Variants in APP observed in about 807,000 individuals in gnomAD.
APP encodes amyloid-beta precursor protein.
Under a neutral mutation model 101.4 loss-of-function variants are expected in APP, and 31 were observed. The observed-to-expected ratio is 0.31, with a 90% CI of 0.23 to 0.41. The LOEUF is 0.41. APP is among the 10% of genes least tolerant of loss of function. APP has a pLI of 1.00. For synonymous variants in APP, 366 were observed against 364.4 expected (o/e 1.00, Z -0.05); for missense variants, 839 against 1,003.7 (o/e 0.84, Z 2.22).
chr21:25,932,814 TTTC>T (rs1346582974), intron 13 of APP, among the ~76,000 whole-genome samples: 1 of 152,124 alleles, frequency 6.6e-6, no homozygotes, highest in Non-Finnish European at 1.5e-5. Context: ...TTTCTACTCT[TTTC>T]TTCTTACACA....
At chr21:25,980,063 C>T (rs1235383095) in intron 9 of APP, among the ~76,000 whole-genome samples, 1 of 152,080 alleles carries the variant, frequency 6.6e-6, no homozygotes, top group African/African-American at 2.4e-5. Context: ...AGGGCATTTC[C>T]AGAAGAACTC....
At chr21:26,055,886 A>G (rs2046022292) in intron 3 of APP, among the ~76,000 whole-genome samples, 1 of 152,236 alleles carries the variant, frequency 6.6e-6, no homozygotes, top group African/African-American at 2.4e-5. Context: ...TCTTGGGGGC[A>G]TAAATCAGAC....
At chr21:26,140,021 T>G in intron 1 of APP, 2 of 701,594 alleles carry the variant, frequency 2.9e-6, no homozygotes, top group South Asian at 3.6e-5. Context: ...CCAAATAATT[T>G]GCAAACTTCA....
intron 1 of APP, among the ~76,000 whole-genome samples, chr21:26,144,143 G>A (rs145216013): frequency 2.3e-3 from 348 of 152,138 alleles, no homozygotes; most frequent in Non-Finnish European, 3.5e-3. Context: ...ATCAGTTCTC[G>A]TGAGAACTAA....
intron 17 of APP, among the ~76,000 whole-genome samples, chr21:25,890,620 T>G (rs1313664548): frequency 6.7e-6 from 1 of 148,414 alleles, no homozygotes; most frequent in African/African-American, 2.5e-5. Flanking sequence ...GTGCCCATAG[T>G]CCCAGCTACT....
chr21:25,927,144 G>C (rs990239439), intron 13 of APP, among the ~76,000 whole-genome samples: 1 of 151,990 alleles, frequency 6.6e-6, no homozygotes, highest in African/African-American at 2.4e-5. Flanking sequence ...GGATAAAAGA[G>C]ATTAAAGCAG....
chr21:25,907,186 A>C (rs2146303783), intron 14 of APP, among the ~76,000 whole-genome samples: 1 of 152,300 alleles, frequency 6.6e-6, no homozygotes, highest in Non-Finnish European at 1.5e-5. Flanking sequence ...ATTATTTAAA[A>C]ACAATAATAA....
chr21:25,982,780 C>T lies in APP; in HGVS notation c.1091-303G>A, dbSNP rs45534232. ...ATGCAAAGAGCAAAAACAGTTGGTG[C>T]TGAAGACATGTTTTTCCAAATCCCC... On this transcript the variant is annotated intron_variant, in intron 8 of 17. Coordinates refer to ENST00000346798, the MANE Select transcript of APP (RefSeq NM_000484.4). 7.2e-5 allele frequency among the ~76,000 whole-genome samples: 11 copies of T among 152,258 alleles called. No homozygotes were observed. The East Asian group carries it at 2.1e-3, about 29-fold the overall frequency.
At chr21:25,936,276 C>T (rs1441245647) in intron 13 of APP, among the ~76,000 whole-genome samples, 2 of 68 alleles carry the variant, frequency 0.029, no homozygotes, top group Admixed American at 0.1. Flanking sequence ...AGGAGGAGGC[C>T]GGGTGCGGGG....
At chr21:25,916,853 A>G (rs1408077339) in intron 13 of APP, among the ~76,000 whole-genome samples, 1 of 152,216 alleles carries the variant, frequency 6.6e-6, no homozygotes, top group African/African-American at 2.4e-5. Context: ...TTAACAGTGG[A>G]AATATTTAAC....
chr21:25,946,145 C>T (rs1037081911), intron 13 of APP, among the ~76,000 whole-genome samples: 4 of 152,126 alleles, frequency 2.6e-5, no homozygotes, highest in African/African-American at 4.8e-5. Context: ...AGGTATAAAT[C>T]GTTGTAACCT....
intron 8 of APP, among the ~76,000 whole-genome samples, chr21:25,992,607 T>C (rs1405337885): frequency 6.6e-6 from 1 of 152,188 alleles, no homozygotes; most frequent in Non-Finnish European, 1.5e-5. Flanking sequence ...AGCAATCCAG[T>C]TCCTTTCAAT....
At chr21:26,101,815 T>C (rs1487621868) in intron 2 of APP, among the ~76,000 whole-genome samples, 1 of 152,194 alleles carries the variant, frequency 6.6e-6, no homozygotes, top group African/African-American at 2.4e-5. Flanking sequence ...GACCCTCCAA[T>C]TTGCAACCTC....
At chr21:26,101,991 G>T (rs1384489184) in intron 2 of APP, among the ~76,000 whole-genome samples, 4 of 151,764 alleles carry the variant, frequency 2.6e-5, no homozygotes, top group Non-Finnish European at 5.9e-5. Flanking sequence ...ATTAAATTTG[G>T]GAAGAAATAG....
intron 8 of APP, among the ~76,000 whole-genome samples, chr21:25,989,983 C>T: frequency 6.6e-6 from 1 of 151,730 alleles, no homozygotes; most frequent in East Asian, 1.9e-4. Flanking sequence ...ACTCCTAACG[C>T]ATTCTACATT....
At chr21:26,041,121 T>TTA (rs1453068475) in intron 5 of APP, among the ~76,000 whole-genome samples, 1 of 152,260 alleles carries the variant, frequency 6.6e-6, no homozygotes, top group Non-Finnish European at 1.5e-5. Context: ...AAACATGGAC[T>TTA]TATAATTTTG....
intron 1 of APP, among the ~76,000 whole-genome samples, chr21:26,155,993 T>C (rs1181159394): frequency 3.0e-5 from 4 of 134,110 alleles, no homozygotes; most frequent in East Asian, 2.0e-4. Context: ...AGAGCGAGAC[T>C]TCGTCTCAAA....
intron 17 of APP, among the ~76,000 whole-genome samples, chr21:25,891,152 G>C (rs192844932): frequency 1.5e-4 from 23 of 152,042 alleles, no homozygotes; most frequent in Non-Finnish European, 7.3e-5. Flanking sequence ...CAGGGTAATA[G>C]GTTGCAGAAC....
At chr21:26,108,395 A>C (rs1322124723) in intron 2 of APP, among the ~76,000 whole-genome samples, 3 of 152,230 alleles carry the variant, frequency 2.0e-5, no homozygotes, top group African/African-American at 7.2e-5. Flanking sequence ...CTTATAGCAC[A>C]CATCAGTTTC....
Sources: gnomAD v4.1 joint callset for allele counts (sites outside exome capture counted in the v4.1 genomes callset) on GRCh38, gnomAD v4.1.1 for gene constraint, MANE v1.5 for transcripts, NCBI Gene and HGNC (gene_info 2026-07-23, HGNC 2026-07-21) for gene names.